Variants in TDRD5 observed in about 807,000 individuals in gnomAD.
The protein encoded by TDRD5 is tudor domain-containing protein 5.
Under a neutral mutation model 120.6 loss-of-function variants are expected in TDRD5, and 41 were observed. That is an observed-to-expected ratio of 0.34 (90% confidence interval 0.26 to 0.44). The LOEUF (loss-of-function observed/expected upper bound fraction) is 0.44, where lower values mean the gene tolerates loss of function less well. TDRD5 is among the 20% of genes least tolerant of loss of function. The pLI, the probability that TDRD5 is intolerant of heterozygous loss-of-function variation, is 1.00. For synonymous variants in TDRD5, 430 were observed against 433.7 expected (o/e 0.99, Z 0.11); for missense variants, 1,006 against 1,221.2 (o/e 0.82, Z 2.63).
At chr1:179,688,470 G>A (rs1384518274) in intron 17 of TDRD5, among the ~76,000 whole-genome samples, 5 of 151,422 alleles carry the variant, frequency 3.3e-5, no homozygotes, top group African/African-American at 4.8e-5. Flanking sequence ...CTCTGGCTGC[G>A]TTTAACATTT....
intron 4 of TDRD5, among the ~76,000 whole-genome samples, chr1:179,603,127 A>G (rs906101496): frequency 1.3e-5 from 2 of 151,422 alleles, no homozygotes; most frequent in Non-Finnish European, 3.0e-5. Context: ...GTATTTTGTT[A>G]TTTTTGCAGC....
chr1:179,659,683 ATTAT>A lies in TDRD5; in HGVS notation c.2323-2405_2323-2402del, dbSNP rs1356315000. Reference sequence around the variant, plus strand: ...GTTTCTTGAGACAGCATATAGTTTGATTATTTATTTATTTATTTAATTTATTTTT... The same window carrying A: ...GTTTCTTGAGACAGCATATAGTTTGATTATTTATTTATTTAATTTATTTTT... On this transcript the variant is annotated intron_variant, in intron 14 of 17. Transcript: ENST00000444136. Among the ~76,000 whole-genome samples the A allele has an allele frequency of 3.0e-4, 42 of 141,882 alleles. 1 individual carries two copies. Among genetic ancestry groups the A allele is most frequent in the South Asian group, 2.5e-3 (12 of 4,736 alleles). The allele number at this position is 141,882 out of a possible 152,430, so 93.1% of individuals were successfully genotyped here. A position where few individuals can be genotyped will look rare whatever the true frequency, so the allele number is the denominator to read the frequency against.
chr1:179,629,077 C>T (rs1367861676), intron 6 of TDRD5, among the ~76,000 whole-genome samples: 1 of 152,078 alleles, frequency 6.6e-6, no homozygotes, highest in Admixed American at 6.5e-5. Flanking sequence ...AGGAAAATGT[C>T]ATTTCTGAAT....
At chr1:179,684,289 C>A (rs149904954) in intron 17 of TDRD5, among the ~76,000 whole-genome samples, 2,411 of 152,212 alleles carry the variant, frequency 0.016, 52 homozygotes, top group African/African-American at 0.053. Flanking sequence ...TGAGTGAGAA[C>A]ATGTGGTGTT....
chr1:179,601,600 CT>C (rs1675716227), intron 4 of TDRD5, among the ~76,000 whole-genome samples: 1 of 152,148 alleles, frequency 6.6e-6, no homozygotes, highest in African/African-American at 2.4e-5. Context: ...TGATTCATTC[CT>C]TTTTTATGGC....
intron 17 of TDRD5, among the ~76,000 whole-genome samples, chr1:179,672,804 T>G (rs1212076642): frequency 6.6e-6 from 1 of 152,240 alleles, no homozygotes; most frequent in East Asian, 1.9e-4. Context: ...AATTTCATTT[T>G]TCTACATGTG....
intron 4 of TDRD5, among the ~76,000 whole-genome samples, chr1:179,617,030 T>C (rs989031234): frequency 3.3e-5 from 5 of 152,118 alleles, no homozygotes; most frequent in African/African-American, 1.2e-4. Flanking sequence ...CTGGGAGAGC[T>C]TTAGGAAATT....
intron 11 of TDRD5, among the ~76,000 whole-genome samples, chr1:179,649,753 T>C (rs1678608818): frequency 6.6e-6 from 1 of 152,188 alleles, no homozygotes; most frequent in Non-Finnish European, 1.5e-5. Flanking sequence ...CATTGTTTCT[T>C]TGTATATTTT....
chr1:179,654,133 A>G (rs1678865951), intron 13 of TDRD5, 68 bp from the exon 14 acceptor site: 4 of 1,317,538 alleles, frequency 3.0e-6, no homozygotes, highest in Non-Finnish European at 4.0e-6. Flanking sequence ...CCCAAAATGT[A>G]TAGGCATGTA....
In TDRD5 at chr1:179,677,659, T is replaced by TG. The variant is rs1179682559; in HGVS notation, c.2860+8258dup. Among the ~76,000 whole-genome samples, 12 of 152,306 alleles carry TG rather than the reference T, an allele frequency of 7.9e-5. No individual in the cohort carries two copies. In the South Asian group the frequency reaches 2.5e-3, roughly 32 times the overall value. On this transcript the variant is annotated intron_variant, in intron 17 of 17. Transcript: ENST00000444136. Reference sequence around the variant, plus strand: ...GCCAGTAAGTGGAGCTACTGGGCTCTGGGCTGGTACTGGGGAGAGTCTGCA... The same window carrying TG: ...GCCAGTAAGTGGAGCTACTGGGCTCTGGGGCTGGTACTGGGGAGAGTCTGCA...
chr1:179,645,414 A>G (rs1678300958), intron 11 of TDRD5, among the ~76,000 whole-genome samples: 1 of 152,152 alleles, frequency 6.6e-6, no homozygotes, highest in Non-Finnish European at 1.5e-5. Flanking sequence ...GTCCTTTTGT[A>G]GTTGATTTCT....
At chr1:179,687,303 C>A (rs1572451287) in intron 17 of TDRD5, among the ~76,000 whole-genome samples, 1 of 152,180 alleles carries the variant, frequency 6.6e-6, no homozygotes, top group African/African-American at 2.4e-5. Flanking sequence ...GTTATGTACC[C>A]AGTAGTCATT....
chr1:179,653,394 C>T (rs1411531007), intron 13 of TDRD5, among the ~76,000 whole-genome samples: 1 of 152,022 alleles, frequency 6.6e-6, no homozygotes, highest in African/African-American at 2.4e-5. Flanking sequence ...TGGGAGATTA[C>T]CTATTATGAA....
chr1:179,659,699 T>A (rs1421074935), intron 14 of TDRD5, among the ~76,000 whole-genome samples: 2 of 151,910 alleles, frequency 1.3e-5, no homozygotes, highest in Non-Finnish European at 2.9e-5. Context: ...TATTTATTTA[T>A]TTAATTTATT....
chr1:179,628,796 A>G (rs1224859123), intron 6 of TDRD5, among the ~76,000 whole-genome samples: 1 of 152,332 alleles, frequency 6.6e-6, no homozygotes, highest in East Asian at 1.9e-4. Flanking sequence ...AGCAAGATGT[A>G]CCTAGTATAT....
chr1:179,627,985 A>T (rs1677220812), intron 6 of TDRD5, among the ~76,000 whole-genome samples: 1 of 152,198 alleles, frequency 6.6e-6, no homozygotes, highest in African/African-American at 2.4e-5. Context: ...ATTGACTAAT[A>T]ATGGCTCTTA....
chr1:179,602,031 C>T (rs1675742467), intron 4 of TDRD5, among the ~76,000 whole-genome samples: 1 of 152,230 alleles, frequency 6.6e-6, no homozygotes, highest in Non-Finnish European at 1.5e-5. Flanking sequence ...GTTGTGAACT[C>T]CTGAGCTCAG....
At position 179,662,211 on chromosome 1, in the gene TDRD5, T is replaced by A. The variant is rs1288731325; in HGVS notation, c.2430T>A (p.Asp810Glu). The change falls in exon 15 of 18, where the codon GAT becomes GAA. Residue 810 changes from aspartate (D) to glutamate (E), a missense_variant. Physicochemically the swap from Asp to Glu is conservative, Grantham distance 45. Transcript: ENST00000444136. ...PLQAKMGKGG[D>E]AASHLFTASL... ...AGGCTAAGATGGGAAAAGGAGGTGATGCTGCCTCCCATCTATTTACTGCAA... is the reference window on the plus strand; with the variant it reads ...AGGCTAAGATGGGAAAAGGAGGTGAAGCTGCCTCCCATCTATTTACTGCAA... The A allele has an allele frequency of 4.3e-6, 7 of 1,612,016 alleles. No homozygotes were observed. The Admixed American group carries it at 1.2e-4, about 27-fold the overall frequency.
chr1:179,647,564 C>T (rs1249141171), intron 11 of TDRD5, among the ~76,000 whole-genome samples: 1 of 151,510 alleles, frequency 6.6e-6, no homozygotes, highest in East Asian at 1.9e-4. Flanking sequence ...GTCTAAAACA[C>T]CAAAAGCAAT....
Sources: gnomAD v4.1 joint callset for allele counts (sites outside exome capture counted in the v4.1 genomes callset) on GRCh38, gnomAD v4.1.1 for gene constraint, MANE v1.5 for transcripts, NCBI Gene and HGNC (gene_info 2026-07-23, HGNC 2026-07-21) for gene names.